NBEAL2: variants seen among roughly 807,000 people sequenced by gnomAD.
NBEAL2 encodes neurobeachin like 2.
A neutral mutation model predicts 299.8 loss-of-function variants in NBEAL2; 160 were observed. The ratio of observed to expected loss-of-function variants is 0.53; its 90% CI spans 0.47 to 0.61. The LOEUF (loss-of-function observed/expected upper bound fraction) is 0.61. Ranked by LOEUF, NBEAL2 falls within the 20% of genes least tolerant of loss-of-function variation. NBEAL2 has a pLI of 0.00. For missense variants in NBEAL2, 3,112 were observed against 3,649.0 expected (o/e 0.85, Z 3.79); for synonymous variants, 1,493 against 1,542.3 (o/e 0.97, Z 0.75).
chr3:46,987,581 C>T (rs928357248), intron 1 of NBEAL2, among the ~76,000 whole-genome samples: 1 of 152,210 alleles, frequency 6.6e-6, no homozygotes, highest in Non-Finnish European at 1.5e-5. Context: ...GTGGCCAGGA[C>T]ATGGCGGGCG....
At chr3:46,992,878 T>C (rs2036209947) in intron 10 of NBEAL2, among the ~76,000 whole-genome samples, 1 of 152,230 alleles carries the variant, frequency 6.6e-6, no homozygotes, top group Non-Finnish European at 1.5e-5. Context: ...GATTTGGCTA[T>C]AGTCACAGAG....
chr3:46,979,775 C>CCAGAACTTGCTTCACACA lies in NBEAL2; in HGVS notation c.-85_-84insGAACTTGCTTCACACACA. The CCAGAACTTGCTTCACACA allele has an allele frequency of 2.7e-6, 1 of 363,918 alleles. No individual in the cohort carries two copies. The highest frequency in any genetic ancestry group is 4.8e-5 in the Admixed American group (1 of 20,958). 22.5% of individuals were successfully genotyped at this position (363,918 alleles called of 1,614,324 possible). On this transcript the variant is annotated 5_prime_UTR_variant, in exon 1 of 54. The change creates a new upstream start codon in the 5' untranslated region. Coordinates refer to ENST00000450053, the MANE Select transcript of NBEAL2 (RefSeq NM_015175.3). ...TCCGCCCCGGAGTGACGCCCTCCGC[C>CCAGAACTTGCTTCACACA]CATGGGCCTGGCCGAGGGCAACCGG...
Position 46,999,954 on chromosome 3 carries a change from A to G in NBEAL2, c.3855A>G (p.Gln1285=). Residue 1285 remains glutamine (Q), a synonymous_variant, in exon 27 of 54, where the codon CAA becomes CAG. Coordinates refer to ENST00000450053, the MANE Select transcript of NBEAL2 (RefSeq NM_015175.3). ...TTCTGGCCCGACAGGCTGGCTGGCAAGATGTGCTGACCCGGCTATATGTCC... is the reference window on the plus strand; with the variant it reads ...TTCTGGCCCGACAGGCTGGCTGGCAGGATGTGCTGACCCGGCTATATGTCC... ...VRLLARQAGW[Q]DVLTRLYVLE... 1.2e-6 allele frequency: 2 copies of G among 1,611,774 alleles called. No individual in the cohort carries two copies. Among genetic ancestry groups the G allele is most frequent in the Non-Finnish European group, 1.7e-6 (2 of 1,179,518 alleles).
intron 1 of NBEAL2, among the ~76,000 whole-genome samples, chr3:46,980,411 C>A (rs1453140705): frequency 6.6e-6 from 1 of 152,076 alleles, no homozygotes; most frequent in Admixed American, 6.5e-5. Flanking sequence ...AAGGGGAATG[C>A]TCCCACTTCA....
At position 46,991,842 on chromosome 3, in the gene NBEAL2, G is replaced by T; in HGVS notation, c.928G>T (p.Ala310Ser). Reference sequence around the variant, plus strand: ...CCTGACCCTTGACCCTTCCACAGACGCCATCCCCATGATGCTGGCATGTGA... The same window carrying T: ...CCTGACCCTTGACCCTTCCACAGACTCCATCCCCATGATGCTGGCATGTGA... ...LVTLRVSMLD[A>S]IPMMLACEDR... Residue 310 changes from alanine (A) to serine (S), a missense_variant and splice_region_variant, in exon 9 of 54, where the codon GCC (alanine) becomes TCC (serine). Physicochemically the swap from Ala to Ser is moderately conservative, Grantham distance 99 (BLOSUM62 1). Transcript: ENST00000450053. The surrounding 1 kb of genome is among the most constrained non-coding windows in gnomAD (Gnocchi z 6.2). The T allele has an allele frequency of 1.3e-6, 2 of 1,593,442 alleles. No individual in the cohort carries two copies. The highest frequency in any genetic ancestry group is 1.7e-6 in the Non-Finnish European group (2 of 1,170,150).
chr3:47,006,010 G>A lies in NBEAL2; in HGVS notation c.6866G>A (p.Arg2289Gln), dbSNP rs181413143. ...GACCTCATCTTTGGCTACAAGCAGC[G>A]GGGGCCAGCCGCCGAGGAGGCCCTC... Reference protein sequence around the residue: ...WIDLIFGYKQRGPAAEEALNV... With the variant: ...WIDLIFGYKQQGPAAEEALNV... The change falls in exon 43 of 54, where the codon CGG becomes CAG. Residue 2289 changes from arginine to glutamine, a missense_variant. By Grantham distance (43) the Arg-to-Gln change is conservative (BLOSUM62 1). Around this residue, in one of 3 missense-constraint regions of NBEAL2, gnomAD observed 521 missense variants for 729.6 expected, o/e 0.71. Transcript: ENST00000450053. 4.1e-3 allele frequency: 6,555 copies of A among 1,613,754 alleles called. 11 individuals are homozygous for A. Among genetic ancestry groups the A allele is most frequent in the Non-Finnish European group, 4.7e-3 (5,570 of 1,179,886 alleles).
At chr3:47,006,913 C>A (rs1260121448) in intron 45 of NBEAL2, 153 bp from the exon 46 acceptor site, 3 of 633,456 alleles carry the variant, frequency 4.7e-6, no homozygotes, top group Admixed American at 6.0e-5. Context: ...CTCCTAAAGT[C>A]TCTGCCTGTT....
At position 46,991,117 on chromosome 3, in the gene NBEAL2, C is replaced by T. The variant is rs77729731; in HGVS notation, c.557-102C>T. 1,266 of 1,016,662 alleles carry T rather than the reference C, an allele frequency of 1.2e-3. 11 individuals carry two copies. In the African/African-American group the frequency reaches 0.018, roughly 15 times the overall value. The allele number at this position is 1,016,662 out of a possible 1,614,324, so 63.0% of individuals were successfully genotyped here. ...ACTGGATCTTTTACTTGGCCCAGCT[C>T]CCTCTCCCCTCCACCCCAGGGCACT... On this transcript the variant is annotated intron_variant, in intron 6 of 53. Coordinates refer to ENST00000450053, the MANE Select transcript of NBEAL2 (RefSeq NM_015175.3). The surrounding 1 kb of genome is among the most constrained non-coding windows in gnomAD (Gnocchi z 6.2).
chr3:46,999,862 C>T (rs2036827961), intron 26 of NBEAL2, 27 bp from the exon 27 acceptor site: 1 of 1,599,588 alleles, frequency 6.3e-7, no homozygotes, highest in Non-Finnish European at 8.5e-7. Context: ...TTGGATGCGT[C>T]CTCACTTGCT....
At position 46,996,046 on chromosome 3, in the gene NBEAL2, A is replaced by G; in HGVS notation, c.2146A>G (p.Ser716Gly). 1 of 1,604,482 alleles carries G rather than the reference A, an allele frequency of 6.2e-7. No individual in the cohort carries two copies. The highest frequency in any genetic ancestry group is 8.5e-7 in the Non-Finnish European group (1 of 1,175,750). ...KTAPLRCPSLSEPFSSCCIGS... is the reference protein window; with the variant it reads ...KTAPLRCPSLGEPFSSCCIGS... ...AGCACCCCTTCGCTGCCCCTCCCTCAGTGAGGTGTGCCAAGCAAGGTTTGG... is the reference window on the plus strand; with the variant it reads ...AGCACCCCTTCGCTGCCCCTCCCTCGGTGAGGTGTGCCAAGCAAGGTTTGG... Residue 716 changes from serine to glycine, a missense_variant, in exon 15 of 54, where the codon AGT (serine) becomes GGT (glycine). Physicochemically the swap from Ser to Gly is moderately conservative, Grantham distance 56. This residue lies in a region of NBEAL2 where 2,243 missense variants were observed against 2,538.1 expected (regional missense o/e 0.88). Coordinates refer to ENST00000450053, the MANE Select transcript of NBEAL2 (RefSeq NM_015175.3).
chr3:46,999,169 C>T, intron 24 of NBEAL2, 52 bp downstream of exon 24: 1 of 1,546,916 alleles, frequency 6.5e-7, no homozygotes, highest in Non-Finnish European at 8.8e-7. Flanking sequence ...GGGCCCCTGC[C>T]TGGGGTTCAG....
Position 47,009,532 on chromosome 3 carries a change from G to A in NBEAL2, c.*212G>A, listed in dbSNP as rs1038599536. Reference sequence around the variant, plus strand: ...TCGCCGGCTGAGGGGCCGCCCTGAGGGCCAGCACTGGCGTCTGCGGCCGCA... The same window carrying A: ...TCGCCGGCTGAGGGGCCGCCCTGAGAGCCAGCACTGGCGTCTGCGGCCGCA... On this transcript the variant is annotated 3_prime_UTR_variant, in exon 54 of 54. Transcript: ENST00000450053. 4.0e-5 allele frequency: 23 copies of A among 582,194 alleles called. No homozygotes were observed. The highest frequency in any genetic ancestry group is 2.7e-5 in the Non-Finnish European group (9 of 330,500). The allele number at this position is 582,194 out of a possible 1,614,324, so 36.1% of individuals were successfully genotyped here. A position where few individuals can be genotyped will look rare whatever the true frequency, so the allele number is the denominator to read the frequency against.
Position 47,000,859 on chromosome 3 carries a change from C to A in NBEAL2, c.4306-142C>A. On this transcript the variant is annotated intron_variant, in intron 27 of 53. Transcript: ENST00000450053. This position sits in a 1 kb window ranked among gnomAD's most constrained non-coding sequence, Gnocchi z 4.5. ...ATACCATTCTTCCAGGCCCTTAGTG[C>A]CAGGCTCACTGTTAGCCAAATGCTC... is the stretch of plus-strand genomic sequence containing the variant. 1 of 1,261,842 alleles carries A rather than the reference C, an allele frequency of 7.9e-7. No individual in the cohort carries two copies. The highest frequency in any genetic ancestry group is 1.4e-5 in the South Asian group (1 of 69,772). The allele number at this position is 1,261,842 out of a possible 1,614,324, so 78.2% of individuals were successfully genotyped here.
rs760187395 is a variant in NBEAL2, at chr3:46,999,107, G to A, written c.3533G>A (p.Arg1178Gln). ...RPGSLPLLPD[R>Q]VCKILRRLQQ... Reference sequence around the variant, plus strand: ...GGGTCACTGCCCCTGCTGCCCGATCGAGTCTGCAAGGTACACCCAGCCCAC... The same window carrying A: ...GGGTCACTGCCCCTGCTGCCCGATCAAGTCTGCAAGGTACACCCAGCCCAC... Residue 1178 changes from arginine (R) to glutamine (Q), a missense_variant, in exon 24 of 54, where the codon CGA becomes CAA. Coordinates refer to ENST00000450053, the MANE Select transcript of NBEAL2 (RefSeq NM_015175.3). 1.1e-5 allele frequency: 18 copies of A among 1,579,582 alleles called. No individual in the cohort carries two copies. The highest frequency in any genetic ancestry group is 3.5e-5 in the South Asian group (3 of 86,184).
rs772869167 is a variant in NBEAL2, at chr3:47,001,953, C to T, written c.4816C>T (p.Leu1606=). ...CCAGGCCTACGTGAGATTGCACATG[C>T]TGCTACAGACTGCAGTGCCAGCCCG... is the stretch of plus-strand genomic sequence containing the variant. ...HAQAYVRLHM[L]LQTAVPARRE... The change falls in exon 31 of 54, where the codon CTG becomes TTG. Residue 1606 remains leucine (L), a synonymous_variant. Transcript: ENST00000450053. The surrounding 1 kb of genome is among the most constrained non-coding windows in gnomAD (Gnocchi z 6.1). 8 of 1,607,670 alleles carry T rather than the reference C, an allele frequency of 5.0e-6. No individual in the cohort carries two copies. Among genetic ancestry groups the T allele is most frequent in the South Asian group, 1.1e-5 (1 of 90,910 alleles).
Position 47,004,081 on chromosome 3 carries a change from C to A in NBEAL2, c.5886C>A (p.Ile1962=), listed in dbSNP as rs765396438. ...ACCTGCTGTTCCTCCCCATAGGCAT[C>A]GGCTATGATTTCCGGCGCCCACTGG... is the stretch of plus-strand genomic sequence containing the variant. The part of the protein sequence containing the change: ...STERVETEEG[I]GYDFRRPLAQ... The change falls in exon 37 of 54, where the codon ATC becomes ATA. Residue 1962 remains isoleucine (I), a synonymous_variant. Coordinates refer to ENST00000450053, the MANE Select transcript of NBEAL2 (RefSeq NM_015175.3). The surrounding 1 kb of genome is among the most constrained non-coding windows in gnomAD (Gnocchi z 5.0). The A allele has an allele frequency of 1.2e-6, 2 of 1,611,900 alleles. No individual in the cohort carries two copies. The highest frequency in any genetic ancestry group is 1.7e-5 in the Admixed American group (1 of 59,970).
chr3:46,996,745 T>C lies in NBEAL2; in HGVS notation c.2474-6T>C, dbSNP rs1357126526. 1 of 1,611,426 alleles carries C rather than the reference T, an allele frequency of 6.2e-7. No homozygotes were observed. Among genetic ancestry groups the C allele is most frequent in the Non-Finnish European group, 8.5e-7 (1 of 1,179,238 alleles). ...CAAGGTCTGAAGCCCCCTGCCCACC[T>C]CCCAGGGCCCAATGAGACGGCACCC... On this transcript the variant is annotated splice_region_variant and splice_polypyrimidine_tract_variant and intron_variant, in intron 16 of 53. Coordinates refer to ENST00000450053, the MANE Select transcript of NBEAL2 (RefSeq NM_015175.3).
rs369949740 is a variant in NBEAL2 at position 47,001,910 on chromosome 3, G to A, written c.4783-10G>A. ...TGGCTGGGTGCCACTCATCTCTCTT[G>A]CGCCCACAGCTGCATGCCCAGGCCT... On this transcript the variant is annotated splice_polypyrimidine_tract_variant and intron_variant, in intron 30 of 53. Transcript: ENST00000450053. The surrounding 1 kb of genome is among the most constrained non-coding windows in gnomAD (Gnocchi z 6.1). 2.9e-5 allele frequency: 47 copies of A among 1,604,890 alleles called. No individual in the cohort carries two copies. Among genetic ancestry groups the A allele is most frequent in the Non-Finnish European group, 3.6e-5 (42 of 1,173,682 alleles).
chr3:47,006,373 A>C lies in NBEAL2; in HGVS notation c.7058A>C (p.His2353Pro), dbSNP rs1366720996. 9 of 1,596,204 alleles carry C rather than the reference A, an allele frequency of 5.6e-6. No individual in the cohort carries two copies. The highest frequency in any genetic ancestry group is 7.7e-6 in the Non-Finnish European group (9 of 1,171,638). Reference sequence around the variant, plus strand: ...CGGCTCTCAGCTGAGGAAGCAGCCCATCGCCTTGCACGCCTGGACACTAAC... The same window carrying C: ...CGGCTCTCAGCTGAGGAAGCAGCCCCTCGCCTTGCACGCCTGGACACTAAC... ...PTRLSAEEAA[H>P]RLARLDTNSP... Residue 2353 changes from histidine to proline, a missense_variant, in exon 45 of 54, where the codon CAT (histidine) becomes CCT (proline). Coordinates refer to ENST00000450053, the MANE Select transcript of NBEAL2 (RefSeq NM_015175.3).
Sources: gnomAD v4.1 joint callset for allele counts (sites outside exome capture counted in the v4.1 genomes callset) on GRCh38, gnomAD v4.1.1 for gene constraint, gnomAD v4.1.1 regional missense constraint, Gnocchi (gnomAD v3.1) non-coding constraint, MANE v1.5 for transcripts, NCBI Gene and HGNC (gene_info 2026-07-23, HGNC 2026-07-21) for gene names.